INTS6: variants seen among roughly 807,000 people sequenced by gnomAD.
INTS6 encodes integrator complex subunit 6.
In INTS6, 16 loss-of-function variants were observed where a neutral mutation model predicts 104.9. That is an observed-to-expected ratio of 0.15 (90% CI 0.10 to 0.23). The LOEUF (loss-of-function observed/expected upper bound fraction) is 0.23. Among genes scored for constraint, INTS6 ranks in the 10% least tolerant of loss-of-function variants. INTS6 has a pLI of 1.00. For missense variants in INTS6, 584 were observed against 1,062.8 expected, an observed-to-expected ratio of 0.55 and a Z score of 6.26; for synonymous variants, 324 against 358.7, an observed-to-expected ratio of 0.90 and a Z score of 1.09.
downstream of INTS6, among the ~76,000 whole-genome samples, chr13:51,353,071 C>T (rs1159710488): frequency 6.6e-6 from 1 of 152,038 alleles, no homozygotes; most frequent in African/African-American, 2.4e-5. Context: ...TTGTAATATC[C>T]TTGTCTGGTA....
At chr13:51,386,603 T>C (rs1305253846) in intron 7 of INTS6, among the ~76,000 whole-genome samples, 1 of 151,994 alleles carries the variant, frequency 6.6e-6, no homozygotes, top group Non-Finnish European at 1.5e-5. Context: ...CTGATACAGG[T>C]TTGAAGTACA....
At chr13:51,343,577 A>G in the INTS6 span, among the ~76,000 whole-genome samples, 2 of 152,356 alleles carry the variant, frequency 1.3e-5, no homozygotes, top group African/African-American at 4.8e-5. Flanking sequence ...AATGCTTATT[A>G]TTTCCTTGAC....
At chr13:51,422,703 T>G (rs1358595898) in intron 4 of INTS6, among the ~76,000 whole-genome samples, 1 of 152,150 alleles carries the variant, frequency 6.6e-6, no homozygotes, top group Non-Finnish European at 1.5e-5. Flanking sequence ...CTCACCTGCT[T>G]AAAATCTTCA....
At chr13:51,398,902 A>T (rs1324079472) in intron 4 of INTS6, among the ~76,000 whole-genome samples, 1 of 152,170 alleles carries the variant, frequency 6.6e-6, no homozygotes, top group Non-Finnish European at 1.5e-5. Flanking sequence ...ATCTCAAAAC[A>T]ATGTTTTTTG....
intron 4 of INTS6, 110 bp from the exon 5 acceptor site, chr13:51,395,593 A>G (rs766330261): frequency 2.2e-6 from 2 of 898,248 alleles, no homozygotes; most frequent in East Asian, 2.8e-5. Context: ...TATCACTTGA[A>G]AAACAAGCTC....
chr13:51,369,460 G>A (rs1955762425), intron 15 of INTS6, 150 bp from the exon 16 acceptor site: 1 of 737,432 alleles, frequency 1.4e-6, no homozygotes, highest in South Asian at 2.1e-5. Flanking sequence ...TTTAAGCATT[G>A]CCAAAGATAC....
intron 4 of INTS6, among the ~76,000 whole-genome samples, chr13:51,418,268 T>C (rs1956830155): frequency 6.6e-6 from 1 of 152,222 alleles, no homozygotes; most frequent in African/African-American, 2.4e-5. Flanking sequence ...TCCAATTGTT[T>C]TGCATTCTCT....
At chr13:51,372,127 A>G (rs1156350195) in intron 15 of INTS6, among the ~76,000 whole-genome samples, 1 of 152,006 alleles carries the variant, frequency 6.6e-6, no homozygotes, top group Non-Finnish European at 1.5e-5. Flanking sequence ...CTCTTTTCCC[A>G]TCTTCCTTTT....
Position 51,363,674 on chromosome 13 carries a change from A to G in INTS6, c.*2078T>C, listed in dbSNP as rs1386725191. Reference sequence around the variant, plus strand: ...CAACAAGTATTCTAATTTAACTAATATACCCATTTTTTTTTTAAATGAAAA... The same window carrying G: ...CAACAAGTATTCTAATTTAACTAATGTACCCATTTTTTTTTTAAATGAAAA... On this transcript the variant is annotated 3_prime_UTR_variant, in exon 18 of 18. Coordinates refer to ENST00000311234, the MANE Select transcript of INTS6 (RefSeq NM_012141.3). The G allele has an allele frequency of 6.6e-6, 1 of 151,882 alleles. No homozygotes were observed. The highest frequency in any genetic ancestry group is 1.5e-5 in the Non-Finnish European group (1 of 67,894). 9.4% of individuals were successfully genotyped at this position (151,882 alleles called of 1,614,324 possible). A position where few individuals can be genotyped will look rare whatever the true frequency, so the allele number is the denominator to read the frequency against.
intron 4 of INTS6, among the ~76,000 whole-genome samples, chr13:51,426,775 A>G (rs972312250): frequency 1.3e-5 from 2 of 152,144 alleles, no homozygotes; most frequent in African/African-American, 4.8e-5. Flanking sequence ...AGAAAGCTGA[A>G]GTAGACAAAT....
chr13:51,418,296 CTGT>C, intron 4 of INTS6, among the ~76,000 whole-genome samples: 1 of 151,870 alleles, frequency 6.6e-6, no homozygotes, highest in Non-Finnish European at 1.5e-5. Flanking sequence ...TTTCCTATAA[CTGT>C]TAAGATTATG....
rs926667730 is a variant in INTS6, at chr13:51,363,505, TAAAA to T, written c.*2243_*2246del. On this transcript the variant is annotated 3_prime_UTR_variant, in exon 18 of 18. Transcript: ENST00000311234. Reference sequence around the variant, plus strand: ...AGCAAATGAGAAACATGGGAGACATTAAAAAAAAAGATTTGAAAACCTCAAGATT... The same window carrying T: ...AGCAAATGAGAAACATGGGAGACATTAAAAAGATTTGAAAACCTCAAGATT... 6.6e-6 allele frequency: 1 copy of T among 150,382 alleles called. No homozygotes were observed. Among genetic ancestry groups the T allele is most frequent in the Non-Finnish European group, 1.5e-5 (1 of 67,430 alleles). 9.3% of individuals were successfully genotyped at this position (150,382 alleles called of 1,614,324 possible).
At chr13:51,387,243 AAAGC>A (rs1425274398) in intron 7 of INTS6, 139 bp downstream of exon 7, 6 of 610,650 alleles carry the variant, frequency 9.8e-6, no homozygotes. Flanking sequence ...GCAACATAAT[AAAGC>A]AAGTAACAGG....
At chr13:51,389,514 T>C in intron 5 of INTS6, 70 bp from the exon 6 acceptor site, 1 of 1,378,298 alleles carries the variant, frequency 7.3e-7, no homozygotes. Flanking sequence ...AGAATTCCTA[T>C]CATTAGCAAG....
chr13:51,413,406 T>C (rs1956725896), intron 4 of INTS6, among the ~76,000 whole-genome samples: 1 of 152,120 alleles, frequency 6.6e-6, no homozygotes, highest in Non-Finnish European at 1.5e-5. Context: ...CCTTTTTGTA[T>C]TGTGATAGAG....
intron 4 of INTS6, among the ~76,000 whole-genome samples, chr13:51,428,322 T>TC (rs1957020918): frequency 6.6e-6 from 1 of 151,510 alleles, no homozygotes; most frequent in African/African-American, 2.4e-5. Flanking sequence ...ATGACTTTTT[T>TC]TTTCTTTTTT....
intron 3 of INTS6, chr13:51,446,449 G>A (rs919677124): frequency 2.6e-5 from 4 of 152,190 alleles, no homozygotes; most frequent in Admixed American, 1.3e-4. Context: ...CTCGTGCACT[G>A]TTGGTAGGAA....
intron 7 of INTS6, chr13:51,384,860 A>G (rs977061859): frequency 8.2e-6 from 3 of 366,534 alleles, no homozygotes; most frequent in Non-Finnish European, 1.6e-5. Flanking sequence ...TTGGGCCTTC[A>G]TCATTTCTCA....
intron 4 of INTS6, among the ~76,000 whole-genome samples, chr13:51,420,391 C>T (rs1443418659): frequency 3.4e-5 from 5 of 149,050 alleles, no homozygotes; most frequent in African/African-American, 4.9e-5. Flanking sequence ...TAGTAATCAA[C>T]GTTATTAGCA....
Sources: allele counts gnomAD v4.1 joint callset (sites outside exome capture counted in the v4.1 genomes callset), GRCh38; gene constraint gnomAD v4.1.1; transcripts MANE v1.5; gene names NCBI Gene and HGNC (gene_info 2026-07-23, HGNC 2026-07-21).